The following RBFOX1 variants were observed in gnomAD, a reference collection of about 807,000 sequenced individuals.
RBFOX1 encodes RNA binding protein fox-1 homolog 1.
RBFOX1 carries 8 observed loss-of-function variants against 57.7 expected under a neutral mutation model. That is an observed-to-expected ratio of 0.14 (90% CI 0.08 to 0.25). The LOEUF (loss-of-function observed/expected upper bound fraction) is 0.25. Ranked by LOEUF, RBFOX1 falls within the 10% of genes least tolerant of loss-of-function variation. The pLI, the probability that RBFOX1 is intolerant of heterozygous loss-of-function variation, is 1.00. For synonymous variants in RBFOX1, 326 were observed against 222.4 expected, an observed-to-expected ratio of 1.47 and a Z score of -4.15; for missense variants, 611 against 548.5, an observed-to-expected ratio of 1.11 and a Z score of -1.14.
intron 3 of RBFOX1, among the ~76,000 whole-genome samples, chr16:6,793,763 A>G (rs1481898164): frequency 2.0e-5 from 3 of 152,210 alleles, no homozygotes; most frequent in African/African-American, 4.8e-5. Flanking sequence ...ATTAGTTTCC[A>G]TGATTCATTT....
intron 4 of RBFOX1, among the ~76,000 whole-genome samples, chr16:5,999,167 A>G (rs943851735): frequency 6.6e-6 from 1 of 152,138 alleles, no homozygotes; most frequent in African/African-American, 2.4e-5. Flanking sequence ...ACTCCTTAGA[A>G]TGCATGCCCA....
At chr16:5,596,079 T>A (rs1457995563) in intron 2 of RBFOX1, among the ~76,000 whole-genome samples, 1 of 152,038 alleles carries the variant, frequency 6.6e-6, no homozygotes. Context: ...CTCTGGGACC[T>A]CAGGCTCAGG....
chr16:7,222,447 G>C (rs2092799267), intron 4 of RBFOX1, among the ~76,000 whole-genome samples: 1 of 152,194 alleles, frequency 6.6e-6, no homozygotes, highest in South Asian at 2.1e-4. Context: ...CCAGAGCTCT[G>C]TCAAAATGAA....
At chr16:6,939,506 C>CTTTTTTTTTTTTTTTTTTTTTTTTTTTT (rs796218936) in intron 3 of RBFOX1, among the ~76,000 whole-genome samples, 1 of 112,890 alleles carries the variant, frequency 8.9e-6, no homozygotes. Flanking sequence ...ATTTTTCTTT[C>CTTTTTTTTTTTTTTTTTTTTTTTTTTTT]TTTTTTTTTT....
At chr16:5,273,650 G>T (rs1169703562) in intron 1 of RBFOX1, among the ~76,000 whole-genome samples, 1 of 152,128 alleles carries the variant, frequency 6.6e-6, no homozygotes, top group Non-Finnish European at 1.5e-5. Flanking sequence ...TGAAGAGAAG[G>T]TTTTTGTGAG....
chr16:5,455,387 A>G (rs560664679), intron 1 of RBFOX1, among the ~76,000 whole-genome samples: 14 of 152,240 alleles, frequency 9.2e-5, no homozygotes, highest in African/African-American at 3.4e-4. Context: ...CACTTATGCC[A>G]TACTCTGCTG....
At chr16:5,454,526 G>A (rs1310995157) in intron 1 of RBFOX1, among the ~76,000 whole-genome samples, 1 of 152,168 alleles carries the variant, frequency 6.6e-6, no homozygotes, top group African/African-American at 2.4e-5. Flanking sequence ...TACAATGTGG[G>A]TGGGCTGTAT....
chr16:7,209,190 C>T (rs541331650), intron 4 of RBFOX1, among the ~76,000 whole-genome samples: 2 of 149,128 alleles, frequency 1.3e-5, no homozygotes, highest in South Asian at 4.3e-4. Flanking sequence ...ATAATAATTG[C>T]AGGGTGTGGC....
At chr16:5,753,759 C>G (rs929408761) in intron 3 of RBFOX1, among the ~76,000 whole-genome samples, 2 of 152,164 alleles carry the variant, frequency 1.3e-5, no homozygotes, top group East Asian at 1.9e-4. Flanking sequence ...ACTGCTCTCC[C>G]TTGTATAGGA....
Position 5,308,325 on chromosome 16 carries a change from TA to T in RBFOX1, c.219+68233del, listed in dbSNP as rs1218038732. ...CTGGGTGACAGAGTGAGGCTCTGTCTAAAAAAAAAAAAAGAACAAAGAAAAA... is the reference window on the plus strand; with the variant it reads ...CTGGGTGACAGAGTGAGGCTCTGTCTAAAAAAAAAAAAGAACAAAGAAAAA... On this transcript the variant is annotated intron_variant, in intron 1 of 2. Transcript: ENST00000585867. Among the ~76,000 whole-genome samples, 633 of 87,462 alleles carry T rather than the reference TA, an allele frequency of 7.2e-3. 1 individual carries two copies. The highest frequency in any genetic ancestry group is 0.015 in the Middle Eastern group (3 of 202). The allele number at this position is 87,462 out of a possible 152,430, so 57.4% of individuals were successfully genotyped here. A position where few individuals can be genotyped will look rare whatever the true frequency, so the allele number is the denominator to read the frequency against.
At chr16:5,344,460 T>C (rs8052035) in intron 1 of RBFOX1, among the ~76,000 whole-genome samples, 19,317 of 152,132 alleles carry the variant, frequency 0.13, 3,162 homozygotes, top group African/African-American at 0.39. Flanking sequence ...ACTGGATGCT[T>C]CTTATTTTGT....
intron 3 of RBFOX1, among the ~76,000 whole-genome samples, chr16:6,696,910 T>A (rs2061136820): frequency 6.6e-6 from 1 of 152,202 alleles, no homozygotes; most frequent in Non-Finnish European, 1.5e-5. Context: ...ATTGCTGTCT[T>A]GCAAAACCCC....
intron 2 of RBFOX1, among the ~76,000 whole-genome samples, chr16:6,508,378 T>A (rs2096165884): frequency 6.6e-6 from 1 of 152,014 alleles, no homozygotes; most frequent in South Asian, 2.1e-4. Context: ...AACAAAAATA[T>A]AATGTAAGTA....
At chr16:5,800,477 G>C (rs1370924766) in intron 3 of RBFOX1, among the ~76,000 whole-genome samples, 1 of 152,160 alleles carries the variant, frequency 6.6e-6, no homozygotes, top group Non-Finnish European at 1.5e-5. Context: ...TTAGGCCAGG[G>C]TGTGAGTAGA....
chr16:5,801,923 C>T (rs936755127), intron 3 of RBFOX1, among the ~76,000 whole-genome samples: 4 of 152,072 alleles, frequency 2.6e-5, no homozygotes, highest in African/African-American at 9.7e-5. Flanking sequence ...TAAAGGAAAG[C>T]GAATTCCCCT....
intron 1 of RBFOX1, among the ~76,000 whole-genome samples, chr16:6,160,682 C>T (rs2096871586): frequency 6.6e-6 from 1 of 152,178 alleles, no homozygotes; most frequent in African/African-American, 2.4e-5. Context: ...CTCATCCTTG[C>T]TTGCAAGGCT....
chr16:6,905,843 C>G (rs950278301), intron 3 of RBFOX1, among the ~76,000 whole-genome samples: 2 of 152,174 alleles, frequency 1.3e-5, no homozygotes, highest in Admixed American at 6.5e-5. Context: ...TGGCTGAGGG[C>G]TGTATGTTTA....
At chr16:6,800,580 C>T (rs890123583) in intron 3 of RBFOX1, among the ~76,000 whole-genome samples, 5 of 152,150 alleles carry the variant, frequency 3.3e-5, no homozygotes, top group Admixed American at 1.3e-4. Flanking sequence ...GCCCGGTAAT[C>T]ACCTGGCCGG....
chr16:7,653,882 C>G lies in RBFOX1; in HGVS notation c.825C>G (p.Arg275=), dbSNP rs776943189. 1.2e-6 allele frequency: 2 copies of G among 1,601,978 alleles called. No individual in the cohort carries two copies. Among genetic ancestry groups the G allele is most frequent in the South Asian group, 2.2e-5 (2 of 90,906 alleles). The change falls in exon 12 of 16, where the codon CGC becomes CGG. Residue 275 remains arginine (R), a synonymous_variant. Coordinates refer to ENST00000550418, the MANE Select transcript of RBFOX1 (RefSeq NM_018723.4). ...ACCGAGGGGCGCACCTGCGAGGCCG[C>G]GGTCGCACCGTGTACAACACCTTCA... The part of the protein sequence containing the change: ...AAYRGAHLRG[R]GRTVYNTFRA...
Sources: allele counts gnomAD v4.1 joint callset (sites outside exome capture counted in the v4.1 genomes callset), GRCh38; gene constraint gnomAD v4.1.1; transcripts MANE v1.5; gene names NCBI Gene and HGNC (gene_info 2026-07-23, HGNC 2026-07-21).